Variants in RCAN2 observed in about 807,000 individuals in gnomAD.
The protein encoded by RCAN2 is calcipressin-2.
RCAN2 carries 9 observed loss-of-function variants against 23.6 expected under a neutral mutation model. That is an observed-to-expected ratio of 0.38 (90% CI 0.23 to 0.67). RCAN2 has a LOEUF of 0.67. Ranked by LOEUF, RCAN2 falls within the 30% of genes least tolerant of loss-of-function variation. The probability of loss-of-function intolerance (pLI) is 0.51; values close to 1 mark genes in which losing one functional copy is unlikely to be tolerated. For synonymous variants in RCAN2, 109 were observed against 115.7 expected, an observed-to-expected ratio of 0.94 and a Z score of 0.37; for missense variants, 273 against 302.3, an observed-to-expected ratio of 0.90 and a Z score of 0.72.
chr6:46,472,100 C>G (rs1768573240), intron 1 of RCAN2, among the ~76,000 whole-genome samples: 1 of 152,152 alleles, frequency 6.6e-6, no homozygotes, highest in Non-Finnish European at 1.5e-5. Flanking sequence ...GTATTCCAAC[C>G]TGGAATTCTG....
chr6:46,486,529 TATA>T (rs933443116), intron 1 of RCAN2, among the ~76,000 whole-genome samples: 7 of 152,224 alleles, frequency 4.6e-5, no homozygotes, highest in African/African-American at 1.7e-4. Flanking sequence ...TCAGAGAAAT[TATA>T]ATATTTTGGA....
intron 2 of RCAN2, among the ~76,000 whole-genome samples, chr6:46,455,844 G>A (rs1308298468): frequency 1.4e-5 from 2 of 142,428 alleles, no homozygotes; most frequent in Non-Finnish European, 3.0e-5. Flanking sequence ...GCAACAGAGC[G>A]AGATTCCGTT....
At chr6:46,415,780 G>T (rs1766695723) in intron 2 of RCAN2, among the ~76,000 whole-genome samples, 1 of 152,124 alleles carries the variant, frequency 6.6e-6, no homozygotes. Context: ...ACAAAACAAT[G>T]ATTGTACATT....
Position 46,385,507 on chromosome 6 carries a change from G to A in RCAN2, c.225+71245C>T, listed in dbSNP as rs182530384. On this transcript the variant is annotated intron_variant, in intron 2 of 4. Coordinates refer to ENST00000371374, the MANE Select transcript of RCAN2 (RefSeq NM_001251974.2). ...ACGGGCTAGCCATAAGCAGAAAACC[G>A]AAACTGGACCCTTTTCTTACACCTT... Among the ~76,000 whole-genome samples the A allele has an allele frequency of 1.7e-4, 26 of 152,244 alleles. No homozygotes were observed. In the East Asian group the frequency reaches 3.9e-3, roughly 23 times the overall value.
chr6:46,370,729 T>C (rs1765301098), intron 2 of RCAN2, among the ~76,000 whole-genome samples: 1 of 152,236 alleles, frequency 6.6e-6, no homozygotes, highest in African/African-American at 2.4e-5. Flanking sequence ...ATCTCTTCAT[T>C]AAAGCCTCTT....
chr6:46,268,922 T>C (rs1447524580), intron 2 of RCAN2, among the ~76,000 whole-genome samples: 1 of 152,242 alleles, frequency 6.6e-6, no homozygotes, highest in Non-Finnish European at 1.5e-5. Flanking sequence ...TAAGGTTTTG[T>C]AGGAAAACAG....
At chr6:46,273,859 TTC>T (rs1213304254) in intron 2 of RCAN2, among the ~76,000 whole-genome samples, 1 of 148,312 alleles carries the variant, frequency 6.7e-6, no homozygotes. Flanking sequence ...GTGTGGCAGA[TTC>T]TTTTTTTTTT....
intron 4 of RCAN2, among the ~76,000 whole-genome samples, chr6:46,235,046 T>A (rs1325572772): frequency 6.6e-6 from 1 of 152,142 alleles, no homozygotes; most frequent in Non-Finnish European, 1.5e-5. Context: ...TGAGTTTCTC[T>A]CTCATGCCAC....
intron 2 of RCAN2, among the ~76,000 whole-genome samples, chr6:46,317,372 T>C (rs1763473159): frequency 6.6e-6 from 1 of 152,212 alleles, no homozygotes; most frequent in South Asian, 2.1e-4. Context: ...AAAAACAGTG[T>C]TTTAAGCATC....
At chr6:46,356,859 T>C (rs999360515) in intron 2 of RCAN2, among the ~76,000 whole-genome samples, 1 of 152,198 alleles carries the variant, frequency 6.6e-6, no homozygotes, top group Non-Finnish European at 1.5e-5. Flanking sequence ...ATTATACCCA[T>C]TCTACCAAAT....
intron 2 of RCAN2, among the ~76,000 whole-genome samples, chr6:46,326,273 C>T (rs1315393793): frequency 6.6e-6 from 1 of 152,184 alleles, no homozygotes; most frequent in Non-Finnish European, 1.5e-5. Context: ...GGATTTCAGG[C>T]TGTCTCCAAG....
rs59953064 is a variant in RCAN2, at chr6:46,263,539, A to ATGTG, written c.226-14647_226-14644dup. Among the ~76,000 whole-genome samples, 95 of 82,450 alleles carry ATGTG rather than the reference A, an allele frequency of 1.2e-3. 2 individuals are homozygous for ATGTG. Among genetic ancestry groups the ATGTG allele is most frequent in the African/African-American group, 2.7e-3 (79 of 29,318 alleles). The allele number at this position is 82,450 out of a possible 152,430, so 54.1% of individuals were successfully genotyped here. ...TGTGTGTATGTGTGTGTGTGTGTGT[A>ATGTG]TGTGTGTGTGTGTGTGTGTGTATGT... is the stretch of plus-strand genomic sequence containing the variant. On this transcript the variant is annotated intron_variant, in intron 2 of 4. Coordinates refer to ENST00000371374, the MANE Select transcript of RCAN2 (RefSeq NM_001251974.2).
chr6:46,223,192 T>A lies in RCAN2; in HGVS notation c.681A>T (p.Pro227=), dbSNP rs1437921907. Residue 227 remains proline, a synonymous_variant, in exon 5 of 5, where the codon CCA becomes CCT. Coordinates refer to ENST00000371374, the MANE Select transcript of RCAN2 (RefSeq NM_001251974.2). ...CAGGACGCCGAGTTTGGATGATTTTTGGCTTTGGGGAAGTCTTTGGGTCCT... is the reference window on the plus strand; with the variant it reads ...CAGGACGCCGAGTTTGGATGATTTTAGGCTTTGGGGAAGTCTTTGGGTCCT... ...EEEDPKTSPK[P]KIIQTRRPGL... 6.2e-7 allele frequency: 1 copy of A among 1,614,002 alleles called. No homozygotes were observed. The highest frequency in any genetic ancestry group is 8.5e-7 in the Non-Finnish European group (1 of 1,179,988).
At chr6:46,391,384 G>C (rs187642422) in intron 2 of RCAN2, among the ~76,000 whole-genome samples, 1 of 152,140 alleles carries the variant, frequency 6.6e-6, no homozygotes, top group Non-Finnish European at 1.5e-5. Flanking sequence ...TGATAGGCAG[G>C]GGGGCAGGGC....
chr6:46,399,983 G>A (rs1413572454), intron 2 of RCAN2, among the ~76,000 whole-genome samples: 1 of 152,168 alleles, frequency 6.6e-6, no homozygotes, highest in East Asian at 1.9e-4. Context: ...AGGTGGCTCA[G>A]CACTCATGTG....
At chr6:46,253,690 G>A (rs1049192240) in intron 2 of RCAN2, among the ~76,000 whole-genome samples, 2 of 152,006 alleles carry the variant, frequency 1.3e-5, no homozygotes, top group Non-Finnish European at 2.9e-5. Flanking sequence ...AACTGTGAGT[G>A]TGTGGCTGTG....
chr6:46,404,365 G>A (rs1473700250), intron 2 of RCAN2, among the ~76,000 whole-genome samples: 1 of 152,206 alleles, frequency 6.6e-6, no homozygotes, highest in Non-Finnish European at 1.5e-5. Flanking sequence ...ATTCATTACA[G>A]GTAAAGTAAG....
chr6:46,238,776 A>ACTGATCCTAGG (rs907093325), intron 4 of RCAN2, among the ~76,000 whole-genome samples: 8 of 152,042 alleles, frequency 5.3e-5, no homozygotes, highest in African/African-American at 1.9e-4. Flanking sequence ...CTGGTCTCAA[A>ACTGATCCTAGG]CTCCTAGGCT....
At chr6:46,360,941 C>T (rs188778567) in intron 2 of RCAN2, among the ~76,000 whole-genome samples, 2 of 152,244 alleles carry the variant, frequency 1.3e-5, no homozygotes, top group Admixed American at 1.3e-4. Context: ...TAATAACAGG[C>T]CTTCTCCCTA....
Sources: gnomAD v4.1 joint callset for allele counts (sites outside exome capture counted in the v4.1 genomes callset) on GRCh38, gnomAD v4.1.1 for gene constraint, MANE v1.5 for transcripts, NCBI Gene and HGNC (gene_info 2026-07-23, HGNC 2026-07-21) for gene names.